The following PDE4D variants were observed in gnomAD, a reference collection of about 807,000 sequenced individuals.
PDE4D encodes the protein phosphodiesterase 4D.
In PDE4D, 24 loss-of-function variants were observed where a neutral mutation model predicts 87.4. The ratio of observed to expected loss-of-function variants is 0.27; its 90% CI spans 0.20 to 0.39. The LOEUF is 0.39. Among genes scored for constraint, PDE4D ranks in the 10% least tolerant of loss-of-function variants. The pLI is 1.00. For synonymous variants in PDE4D, 384 were observed against 383.2 expected (o/e 1.00, Z -0.02); for missense variants, 714 against 1,041.0 (o/e 0.69, Z 4.32).
chr5:60,409,736 T>C (rs1205761666), intron 1 of PDE4D, among the ~76,000 whole-genome samples: 1 of 152,214 alleles, frequency 6.6e-6, no homozygotes, highest in Non-Finnish European at 1.5e-5. Context: ...CATATTGTCT[T>C]GAGGAAGAAT....
At chr5:59,834,029 C>T (rs999084589) in intron 1 of PDE4D, among the ~76,000 whole-genome samples, 15 of 152,002 alleles carry the variant, frequency 9.9e-5, no homozygotes, top group African/African-American at 3.4e-4. Context: ...CAAAGTTCAG[C>T]ATCAAAATGA....
chr5:59,405,260 C>T lies in PDE4D; in HGVS notation c.456-189292G>A, dbSNP rs774086299. ...TGTGTTCTCTTTAATTTCTTTCATCCGTGTTTTATAGTTTTCATTGTAGAA... is the reference window on the plus strand; with the variant it reads ...TGTGTTCTCTTTAATTTCTTTCATCTGTGTTTTATAGTTTTCATTGTAGAA... On this transcript the variant is annotated intron_variant, in intron 1 of 14. Coordinates refer to ENST00000340635, the MANE Select transcript of PDE4D (RefSeq NM_001104631.2). Among the ~76,000 whole-genome samples, 3 of 151,986 alleles carry T rather than the reference C, an allele frequency of 2.0e-5. 1 individual carries two copies. Among genetic ancestry groups the T allele is most frequent in the African/African-American group, 4.8e-5 (2 of 41,384 alleles).
chr5:59,613,366 G>A (rs558010040), intron 1 of PDE4D, among the ~76,000 whole-genome samples: 1 of 152,314 alleles, frequency 6.6e-6, no homozygotes, highest in East Asian at 1.9e-4. Flanking sequence ...AGACATCATG[G>A]TGGAAATGAC....
intron 2 of PDE4D, among the ~76,000 whole-genome samples, chr5:59,205,201 A>T (rs75783519): frequency 6.6e-6 from 1 of 151,068 alleles, no homozygotes; most frequent in Non-Finnish European, 1.5e-5. Flanking sequence ...ATGCAGTGAG[A>T]TTTTTTTTTT....
At chr5:60,389,049 T>A (rs1561197382) in intron 1 of PDE4D, among the ~76,000 whole-genome samples, 1 of 152,176 alleles carries the variant, frequency 6.6e-6, no homozygotes, top group Non-Finnish European at 1.5e-5. Flanking sequence ...CAAGAAATTA[T>A]GATATAGAAT....
At chr5:60,027,638 G>C (rs969969267) in intron 2 of PDE4D, among the ~76,000 whole-genome samples, 3 of 152,154 alleles carry the variant, frequency 2.0e-5, no homozygotes, top group Admixed American at 2.0e-4. Context: ...CGTCATCACA[G>C]GCTTTGCCAG....
chr5:59,404,483 A>C (rs556698297), intron 1 of PDE4D, among the ~76,000 whole-genome samples: 1 of 152,132 alleles, frequency 6.6e-6, no homozygotes, highest in African/African-American at 2.4e-5. Flanking sequence ...ACATGGCAAA[A>C]CCCTGTCTCA....
intron 1 of PDE4D, among the ~76,000 whole-genome samples, chr5:59,379,438 C>T (rs758657921): frequency 6.6e-6 from 1 of 151,418 alleles, no homozygotes; most frequent in African/African-American, 2.4e-5. Flanking sequence ...TCATCTATAC[C>T]GAGAGGCAAC....
chr5:60,128,214 A>T (rs1779276359), intron 2 of PDE4D, among the ~76,000 whole-genome samples: 1 of 152,216 alleles, frequency 6.6e-6, no homozygotes, highest in African/African-American at 2.4e-5. Context: ...CAAGAAGTCT[A>T]CAGAATAATA....
chr5:59,865,285 T>G (rs1354360863), intron 1 of PDE4D, among the ~76,000 whole-genome samples: 5 of 152,332 alleles, frequency 3.3e-5, no homozygotes, highest in Non-Finnish European at 7.3e-5. Flanking sequence ...GTCTCACCTG[T>G]TTTTCGAAAA....
intron 1 of PDE4D, among the ~76,000 whole-genome samples, chr5:59,643,273 C>T (rs1741907600): frequency 1.3e-5 from 2 of 152,082 alleles, no homozygotes; most frequent in South Asian, 2.1e-4. Context: ...GCTGGGAATT[C>T]AGGGAGGTCA....
At chr5:59,898,948 C>T (rs566694867) in intron 3 of PDE4D, among the ~76,000 whole-genome samples, 9 of 151,954 alleles carry the variant, frequency 5.9e-5, no homozygotes, top group Non-Finnish European at 1.0e-4. Flanking sequence ...GGTTGAGGGG[C>T]GTTGAACTGC....
At chr5:59,298,116 T>C (rs1769448946) in intron 1 of PDE4D, among the ~76,000 whole-genome samples, 1 of 144,670 alleles carries the variant, frequency 6.9e-6, no homozygotes, top group Admixed American at 6.8e-5. Flanking sequence ...AGTGAAACTT[T>C]TTTTTTTTTT....
intron 2 of PDE4D, among the ~76,000 whole-genome samples, chr5:60,038,903 GT>G (rs1273487540): frequency 6.6e-6 from 1 of 151,482 alleles, no homozygotes; most frequent in Admixed American, 6.6e-5. Context: ...TCTCACACCA[GT>G]TAGAATGGTG....
chr5:60,421,745 C>G (rs1438402247), intron 1 of PDE4D, among the ~76,000 whole-genome samples: 1 of 152,070 alleles, frequency 6.6e-6, no homozygotes, highest in Admixed American at 6.5e-5. Context: ...ACAAACTTCT[C>G]CAAGCTAAAG....
intron 2 of PDE4D, among the ~76,000 whole-genome samples, chr5:60,094,531 G>T (rs1775461376): frequency 6.8e-6 from 1 of 147,958 alleles, no homozygotes; most frequent in South Asian, 2.2e-4. Flanking sequence ...CTTTACAGAG[G>T]TAATCAAGTT....
intron 1 of PDE4D, among the ~76,000 whole-genome samples, chr5:60,346,938 A>G (rs879544531): frequency 1.4e-4 from 21 of 152,302 alleles, no homozygotes; most frequent in Middle Eastern, 3.4e-3. Flanking sequence ...AATTCATTCC[A>G]CAAACAATGC....
intron 1 of PDE4D, among the ~76,000 whole-genome samples, chr5:59,663,167 G>GT (rs918303906): frequency 3.3e-4 from 49 of 148,604 alleles, no homozygotes; most frequent in African/African-American, 4.7e-4. Flanking sequence ...ATTTTTCTTT[G>GT]TTTTTTTTTT....
intron 1 of PDE4D, among the ~76,000 whole-genome samples, chr5:59,583,127 C>T (rs1330436844): frequency 6.6e-6 from 1 of 152,094 alleles, no homozygotes; most frequent in African/African-American, 2.4e-5. Flanking sequence ...TTCAACATAG[C>T]CTTGATGTTT....
Sources: allele counts gnomAD v4.1 joint callset (sites outside exome capture counted in the v4.1 genomes callset), GRCh38; gene constraint gnomAD v4.1.1; transcripts MANE v1.5; gene names NCBI Gene and HGNC (gene_info 2026-07-23, HGNC 2026-07-21).